The following AFF2 variants were observed in gnomAD, a reference collection of about 807,000 sequenced individuals.
The protein encoded by AFF2 is ALF transcription elongation factor 2, also known as AF4/FMR2 family member 2.
Under a neutral mutation model 76.9 loss-of-function variants are expected in AFF2, and 14 were observed. The ratio of observed to expected loss-of-function variants is 0.18; its 90% CI spans 0.12 to 0.28. The LOEUF is 0.28. Among genes scored for constraint, AFF2 ranks in the 10% least tolerant of loss-of-function variants. AFF2 has a pLI of 1.00. For missense variants in AFF2, 868 were observed against 1,001.1 expected (o/e 0.87, Z 1.79); for synonymous variants, 398 against 366.7 (o/e 1.09, Z -0.98).
rs1241424376 is a variant in AFF2, at chrX:148,584,173, A to G, written c.48-67826A>G. Among the ~76,000 whole-genome samples, 3 of 111,842 alleles carry G rather than the reference A, an allele frequency of 2.7e-5. No individual in the cohort carries two copies. The East Asian group carries it at 8.4e-4, about 31-fold the overall frequency. ...TTCAAATGTCAGAACTTTTTCATTT[A>G]AAAAGGTATCCGGGATCTTACTCAA... On this transcript the variant is annotated intron_variant, in intron 1 of 20. Transcript: ENST00000370460.
At chrX:148,944,306 A>G (rs1329987500) in intron 9 of AFF2, among the ~76,000 whole-genome samples, 3 of 111,389 alleles carry the variant, frequency 2.7e-5, no homozygotes, top group Non-Finnish European at 3.8e-5. Context: ...TGCTCCACCT[A>G]CGATTTGTAA....
intron 3 of AFF2, among the ~76,000 whole-genome samples, chrX:148,759,010 G>A (rs985083266): frequency 3.6e-5 from 4 of 111,892 alleles, no homozygotes; most frequent in African/African-American, 1.3e-4. Flanking sequence ...CTGACCTCAG[G>A]TGATCCACCC....
intron 7 of AFF2, among the ~76,000 whole-genome samples, chrX:148,844,050 C>T (rs370375254): frequency 8.9e-6 from 1 of 112,228 alleles, no homozygotes; most frequent in African/African-American, 3.2e-5. Context: ...ACCTGGGATA[C>T]GAAAACAACT....
At chrX:148,706,879 A>G (rs1332433801) in intron 3 of AFF2, among the ~76,000 whole-genome samples, 3 of 112,530 alleles carry the variant, frequency 2.7e-5, no homozygotes, top group Non-Finnish European at 5.6e-5. Context: ...TAGGATAGAT[A>G]TCATTCTTTC....
chrX:148,538,414 G>A (rs2052811587), intron 1 of AFF2, among the ~76,000 whole-genome samples: 2 of 111,647 alleles, frequency 1.8e-5, no homozygotes, highest in African/African-American at 6.5e-5. Context: ...TCCCTGGACC[G>A]CACTTGAAGT....
chrX:148,511,038 A>G (rs1387263710), intron 1 of AFF2, among the ~76,000 whole-genome samples: 1 of 111,906 alleles, frequency 8.9e-6, no homozygotes, highest in African/African-American at 3.3e-5. Flanking sequence ...TAGAAATGTT[A>G]TAAATTAAAT....
At chrX:148,790,062 G>A (rs1319206998) in intron 3 of AFF2, among the ~76,000 whole-genome samples, 1 of 111,853 alleles carries the variant, frequency 8.9e-6, no homozygotes, top group Non-Finnish European at 1.9e-5. Context: ...TGAAAACAGA[G>A]AGCTGTAAGA....
chrX:148,588,113 A>G (rs1016943266), intron 1 of AFF2, among the ~76,000 whole-genome samples: 4 of 112,832 alleles, frequency 3.5e-5, no homozygotes, highest in Non-Finnish European at 5.6e-5. Context: ...TCTCTGCAGC[A>G]CGGGTTCTTA....
chrX:148,708,389 A>C (rs2054913292), intron 3 of AFF2, among the ~76,000 whole-genome samples: 1 of 111,808 alleles, frequency 8.9e-6, no homozygotes, highest in African/African-American at 3.3e-5. Context: ...TAAATCTTAC[A>C]AGTAATGGCT....
intron 7 of AFF2, among the ~76,000 whole-genome samples, chrX:148,873,009 A>T (rs1557277532): frequency 8.1e-5 from 9 of 111,392 alleles, no homozygotes; most frequent in Non-Finnish European, 1.9e-5. Flanking sequence ...GTCTATTCAG[A>T]TCCTTCAGCC....
intron 3 of AFF2, among the ~76,000 whole-genome samples, chrX:148,785,057 C>A (rs782634393): frequency 4.5e-5 from 5 of 111,903 alleles, no homozygotes; most frequent in Non-Finnish European, 9.4e-5. Context: ...TTGCTCCCCC[C>A]CTTCCCCCAA....
Position 148,956,633 on chromosome X carries a change from C to A in AFF2, c.2568+20C>A, listed in dbSNP as rs2124362148. 8.5e-7 allele frequency: 1 copy of A among 1,178,645 alleles called. No homozygotes were observed. The highest frequency in any genetic ancestry group is 3.0e-5 in the East Asian group (1 of 33,581). ...CACAAGGTAAGCTGTCTAAAGTGGC[C>A]TGCCAAGTGCTTGTGAGCAGTGTCT... On this transcript the variant is annotated intron_variant, in intron 11 of 20. Transcript: ENST00000370460.
intron 9 of AFF2, among the ~76,000 whole-genome samples, chrX:148,932,864 G>A (rs2071730395): frequency 1.8e-5 from 2 of 112,007 alleles, no homozygotes; most frequent in African/African-American, 6.5e-5. Flanking sequence ...TAGTTCTCAG[G>A]GACTGTTCTA....
chrX:148,585,924 T>G (rs183795292), intron 1 of AFF2, among the ~76,000 whole-genome samples: 1 of 108,932 alleles, frequency 9.2e-6, no homozygotes, highest in African/African-American at 3.3e-5. Context: ...GCAGTGGGAG[T>G]TAAAGCCCAA....
chrX:148,764,305 A>G (rs1227397675), intron 3 of AFF2, among the ~76,000 whole-genome samples: 1 of 112,407 alleles, frequency 8.9e-6, no homozygotes, highest in Non-Finnish European at 1.9e-5. Flanking sequence ...ATGATAAGAG[A>G]GGACACTTAT....
At chrX:148,745,787 C>T (rs960568116) in intron 3 of AFF2, among the ~76,000 whole-genome samples, 34 of 110,847 alleles carry the variant, frequency 3.1e-4, no homozygotes, top group African/African-American at 8.5e-4. Context: ...CTGTCGCCAA[C>T]GCTGGGGTGT....
At chrX:148,866,668 A>G (rs891306416) in intron 7 of AFF2, among the ~76,000 whole-genome samples, 10 of 112,773 alleles carry the variant, frequency 8.9e-5, no homozygotes, top group Non-Finnish European at 1.3e-4. Flanking sequence ...GCATTCTAAT[A>G]TACATTAAGC....
At chrX:148,744,426 A>G (rs2055398036) in intron 3 of AFF2, among the ~76,000 whole-genome samples, 1 of 112,371 alleles carries the variant, frequency 8.9e-6, no homozygotes, top group South Asian at 3.7e-4. Flanking sequence ...TCACGCAGCA[A>G]TATCAACTAC....
At chrX:148,806,184 C>T (rs998937696) in intron 3 of AFF2, among the ~76,000 whole-genome samples, 3 of 112,345 alleles carry the variant, frequency 2.7e-5, no homozygotes, top group African/African-American at 6.5e-5. Flanking sequence ...AGAATTACTG[C>T]GAAGACGTGT....
Sources: gnomAD v4.1 joint callset for allele counts (sites outside exome capture counted in the v4.1 genomes callset) on GRCh38, gnomAD v4.1.1 for gene constraint, MANE v1.5 for transcripts, NCBI Gene and HGNC (gene_info 2026-07-23, HGNC 2026-07-21) for gene names.